LPA: variants seen among roughly 807,000 people sequenced by gnomAD.
LPA encodes the protein apolipoprotein(a).
A neutral mutation model predicts 197.9 loss-of-function variants in LPA; 199 were observed. That is an observed-to-expected ratio of 1.01 (90% CI 0.90 to 1.13). The LOEUF (loss-of-function observed/expected upper bound fraction) is 1.13, where lower values mean the gene tolerates loss of function less well. Ranked by LOEUF, LPA falls within the 50% of genes most tolerant of loss-of-function variation. LPA has a pLI of 0.00. For synonymous variants in LPA, 715 were observed against 639.5 expected (o/e 1.12, Z -1.78); for missense variants, 1,853 against 1,785.8 (o/e 1.04, Z -0.68).
At chr6:160,573,388 T>TAA in intron 28 of LPA, among the ~76,000 whole-genome samples, 1 of 152,138 alleles carries the variant, frequency 6.6e-6, no homozygotes, top group Admixed American at 6.6e-5. Context: ...TGCCTTTCTC[T>TAA]GGTCCCTCCC....
In LPA at chr6:160,661,115, C is replaced by G. The variant is rs539493492; in HGVS notation, c.49+3051G>C. On this transcript the variant is annotated intron_variant, in intron 1 of 38. Transcript: ENST00000316300. ...GACACCTGGCTGAGCTTCAGCAGCC[C>G]TCTTCCAAGCCTGGAGATGCCAGCT... 9.2e-5 allele frequency among the ~76,000 whole-genome samples: 14 copies of G among 152,162 alleles called. No individual in the cohort carries two copies. In the East Asian group the frequency reaches 2.7e-3, roughly 29 times the overall value.
intron 26 of LPA, among the ~76,000 whole-genome samples, chr6:160,584,241 TCCTC>T (rs1778859809): frequency 1.2e-5 from 1 of 80,516 alleles, no homozygotes; most frequent in African/African-American, 4.2e-5. Flanking sequence ...TTCTTCTTCC[TCCTC>T]CTCCTCCTCC....
chr6:160,544,891 C>A (rs1778039899), intron 33 of LPA, among the ~76,000 whole-genome samples: 1 of 152,150 alleles, frequency 6.6e-6, no homozygotes, highest in African/African-American at 2.4e-5. Flanking sequence ...ACCTAACAAG[C>A]AGTCTCTAAG....
At chr6:160,546,776 A>G (rs1325853296) in intron 32 of LPA, among the ~76,000 whole-genome samples, 2 of 152,140 alleles carry the variant, frequency 1.3e-5, no homozygotes, top group African/African-American at 2.4e-5. Flanking sequence ...TGGTGTGAGA[A>G]GTGTTATGTT....
intron 37 of LPA, among the ~76,000 whole-genome samples, chr6:160,533,779 C>T (rs1456383777): frequency 6.6e-6 from 1 of 152,138 alleles, no homozygotes; most frequent in Non-Finnish European, 1.5e-5. Context: ...ACTTCCTTGA[C>T]AATTAGGGAG....
chr6:160,609,681 G>A (rs1462539539), intron 16 of LPA, among the ~76,000 whole-genome samples: 2 of 151,968 alleles, frequency 1.3e-5, no homozygotes, highest in Non-Finnish European at 2.9e-5. Flanking sequence ...CTTCCCACAT[G>A]CAGGAAATCT....
intron 26 of LPA, among the ~76,000 whole-genome samples, chr6:160,579,952 T>C (rs577576212): frequency 6.6e-6 from 1 of 152,212 alleles, no homozygotes; most frequent in South Asian, 2.1e-4. Context: ...GATAAATACA[T>C]ATACTTGTGT....
At chr6:160,576,320 ATGTG>A (rs530223802) in intron 28 of LPA, among the ~76,000 whole-genome samples, 1 of 59,088 alleles carries the variant, frequency 1.7e-5, no homozygotes, top group East Asian at 6.2e-4. Flanking sequence ...ACCTGTATGT[ATGTG>A]TGTGTGTGTG....
intron 19 of LPA, among the ~76,000 whole-genome samples, chr6:160,600,310 G>A (rs906942459): frequency 3.9e-5 from 6 of 152,054 alleles, no homozygotes; most frequent in African/African-American, 7.2e-5. Flanking sequence ...CAGACCCCCC[G>A]CAGGTACAAG....
chr6:160,555,030 A>T (rs1778231110), intron 30 of LPA, among the ~76,000 whole-genome samples: 1 of 151,806 alleles, frequency 6.6e-6, no homozygotes, highest in Non-Finnish European at 1.5e-5. Context: ...GTGTTTTTTA[A>T]TATCTTTTAT....
rs1777821093 is a variant in LPA at position 160,532,413 on chromosome 6, T to A, written c.5961+118A>T. 2.4e-5 allele frequency: 19 copies of A among 802,980 alleles called. No homozygotes were observed. The East Asian group carries it at 4.6e-4, about 20-fold the overall frequency. The allele number at this position is 802,980 out of a possible 1,614,324, so 49.7% of individuals were successfully genotyped here. A position where few individuals can be genotyped will look rare whatever the true frequency, so the allele number is the denominator to read the frequency against. ...ATCTGGGGAGTTTCTGAGCAACACT[T>A]AGACTGGGGTCTTCCACTGACAAAA... On this transcript the variant is annotated intron_variant, in intron 38 of 38. Coordinates refer to ENST00000316300, the MANE Select transcript of LPA (RefSeq NM_005577.4).
intron 26 of LPA, among the ~76,000 whole-genome samples, chr6:160,584,239 C>CTTCTTCTTCTTCCTCCTT (rs1562331288): frequency 1.2e-5 from 1 of 82,616 alleles, no homozygotes; most frequent in Non-Finnish European, 2.4e-5. Context: ...TCTTCTTCTT[C>CTTCTTCTTCTTCCTCCTT]CTCCTCCTCC....
At chr6:160,593,761 C>G (rs564805787) in intron 22 of LPA, among the ~76,000 whole-genome samples, 197 bp downstream of exon 22, 1 of 152,336 alleles carries the variant, frequency 6.6e-6, no homozygotes, top group East Asian at 1.9e-4. Flanking sequence ...CTGCTTCTGT[C>G]AACTATGAGA....
chr6:160,531,545 A>G lies in LPA; in HGVS notation c.*184T>C, dbSNP rs1279585184. On this transcript the variant is annotated 3_prime_UTR_variant, in exon 39 of 39. Transcript: ENST00000316300. Reference sequence around the variant, plus strand: ...TGTCATAGCTATGACACCTTAATACAGAATTTGTCAGTCAGACCTTAAAAG... The same window carrying G: ...TGTCATAGCTATGACACCTTAATACGGAATTTGTCAGTCAGACCTTAAAAG... The G allele has an allele frequency of 5.8e-6, 4 of 685,808 alleles. No individual in the cohort carries two copies. The East Asian group carries it at 1.1e-4, about 19-fold the overall frequency. The allele number at this position is 685,808 out of a possible 1,614,324, so 42.5% of individuals were successfully genotyped here.
intron 1 of LPA, among the ~76,000 whole-genome samples, chr6:160,657,845 C>A (rs1780157834): frequency 6.6e-6 from 1 of 152,180 alleles, no homozygotes; most frequent in Non-Finnish European, 1.5e-5. Context: ...CATGCCTGTT[C>A]TCCAGATTTC....
intron 16 of LPA, 123 bp downstream of exon 16, chr6:160,611,439 A>G (rs1779514620): frequency 2.0e-6 from 3 of 1,516,870 alleles, no homozygotes; most frequent in Non-Finnish European, 2.7e-6. Context: ...ATCCTGAGAC[A>G]TTTTGCTACA....
rs577193631 is a variant in LPA at position 160,573,575 on chromosome 6, G to T, written c.4631+3561C>A. The stretch of plus-strand genomic sequence containing the variant: ...TAGACTGTGTCAGAGGGAAGGTAGG[G>T]CTGAAGGCTGTTGTTCAGATGTTTT... On this transcript the variant is annotated intron_variant, in intron 28 of 38. Coordinates refer to ENST00000316300, the MANE Select transcript of LPA (RefSeq NM_005577.4). Among the ~76,000 whole-genome samples, 7 of 152,290 alleles carry T rather than the reference G, an allele frequency of 4.6e-5. No homozygotes were observed. In the South Asian group the frequency reaches 1.5e-3, roughly 32 times the overall value.
chr6:160,557,995 C>G (rs1354502123), intron 28 of LPA, among the ~76,000 whole-genome samples: 3 of 151,810 alleles, frequency 2.0e-5, no homozygotes, highest in Admixed American at 2.0e-4. Flanking sequence ...TCTCGGCTCA[C>G]TGCAAGGTCT....
chr6:160,606,028 A>T (rs1248789074), intron 17 of LPA, among the ~76,000 whole-genome samples: 1 of 151,894 alleles, frequency 6.6e-6, no homozygotes, highest in Non-Finnish European at 1.5e-5. Context: ...AATTAATGCA[A>T]CCCTGTTAGC....
Sources: allele counts gnomAD v4.1 joint callset (sites outside exome capture counted in the v4.1 genomes callset), GRCh38; gene constraint gnomAD v4.1.1; transcripts MANE v1.5; gene names NCBI Gene and HGNC (gene_info 2026-07-23, HGNC 2026-07-21).